The following ZNF33A variants were observed in gnomAD, a reference collection of about 807,000 sequenced individuals.
ZNF33A encodes zinc finger protein 33A, also known as brain my041 protein.
ZNF33A carries 9 observed loss-of-function variants against 15.9 expected under a neutral mutation model. The observed-to-expected ratio is 0.57, with a 90% CI of 0.34 to 0.99. ZNF33A has a LOEUF of 0.99. Among genes scored for constraint, ZNF33A ranks in the 50% least tolerant of loss-of-function variants. ZNF33A has a pLI of 0.02. For missense variants in ZNF33A, 843 were observed against 941.6 expected (o/e 0.90, Z 1.37); for synonymous variants, 294 against 324.2 (o/e 0.91, Z 1.00).
chr10:38,017,297 G>A lies in ZNF33A; in HGVS notation c.161G>A (p.Cys54Tyr). 1 of 1,613,736 alleles carries A rather than the reference G, an allele frequency of 6.2e-7. No homozygotes were observed. Among genetic ancestry groups the A allele is most frequent in the Admixed American group, 1.7e-5 (1 of 59,988 alleles). The stretch of plus-strand genomic sequence containing the variant: ...AATTATTTCCTGTTAACAGGGTATT[G>A]TGTTCACAAACCAGAGGTGATCTTC... ...NYSNLVSVGY[C>Y]VHKPEVIFRL... Residue 54 changes from cysteine to tyrosine, a missense_variant, in exon 4 of 5, where the codon TGT (cysteine) becomes TAT (tyrosine). Transcript: ENST00000432900.
At position 38,017,337 on chromosome 10, in the gene ZNF33A, A is replaced by G; in HGVS notation, c.201A>G (p.Gly67=). ...AGGTGATCTTCAGGCTGCAACAAGG[A>G]GAAGAGCCATGGAAACAGGAGGAAG... ...KPEVIFRLQQ[G]EEPWKQEEEF... The change falls in exon 4 of 5, where the codon GGA becomes GGG. Residue 67 remains glycine, a synonymous_variant. Transcript: ENST00000432900. 1 of 1,614,088 alleles carries G rather than the reference A, an allele frequency of 6.2e-7. No individual in the cohort carries two copies. Among genetic ancestry groups the G allele is most frequent in the African/African-American group, 1.3e-5 (1 of 75,036 alleles).
chr10:38,056,794 T>A lies in ZNF33A; in HGVS notation c.*234T>A. ...AGGAGAAAATTGTCAATTTAAGAAATCTAAAGTGAAAATTTTGCTTAGAAA... is the reference window on the plus strand; with the variant it reads ...AGGAGAAAATTGTCAATTTAAGAAAACTAAAGTGAAAATTTTGCTTAGAAA... On this transcript the variant is annotated 3_prime_UTR_variant, in exon 5 of 5. Coordinates refer to ENST00000432900, the MANE Select transcript of ZNF33A (RefSeq NM_006954.2). 8.4e-7 allele frequency: 1 copy of A among 1,195,442 alleles called. No homozygotes were observed. Among genetic ancestry groups the A allele is most frequent in the Non-Finnish European group, 1.0e-6 (1 of 964,620 alleles). 74.1% of individuals were successfully genotyped at this position (1,195,442 alleles called of 1,614,324 possible).
rs370172866 is a variant in ZNF33A at position 38,055,046 on chromosome 10, A to G, written c.922A>G (p.Asn308Asp). The G allele has an allele frequency of 1.9e-6, 3 of 1,614,146 alleles. No individual in the cohort carries two copies. The highest frequency in any genetic ancestry group is 2.5e-6 in the Non-Finnish European group (3 of 1,179,994). ...MKHYDCGESG[N>D]NFRRKLCLSH... is the part of the protein sequence containing the mutation. ...ACACTATGATTGTGGTGAAAGTGGG[A>G]ATAATTTCAGGAGGAAATTGTGTCT... The change falls in exon 5 of 5, where the codon AAT becomes GAT. Residue 308 changes from asparagine to aspartate, a missense_variant. By Grantham distance (23) the Asn-to-Asp change is conservative. Transcript: ENST00000432900.
intron 4 of ZNF33A, among the ~76,000 whole-genome samples, chr10:38,049,121 C>G (rs1418784765): frequency 6.6e-6 from 1 of 152,046 alleles, no homozygotes; most frequent in African/African-American, 2.4e-5. Flanking sequence ...AAATCAATAA[C>G]AGAACTATCT....
intron 4 of ZNF33A, among the ~76,000 whole-genome samples, chr10:38,049,566 A>G (rs2066103369): frequency 6.6e-6 from 1 of 152,152 alleles, no homozygotes; most frequent in East Asian, 1.9e-4. Context: ...AATTTCACAT[A>G]TAGGGAATTT....
intron 4 of ZNF33A, among the ~76,000 whole-genome samples, chr10:38,030,897 C>T (rs1371045903): frequency 3.3e-5 from 5 of 152,254 alleles, no homozygotes; most frequent in African/African-American, 1.2e-4. Context: ...CATAATACCT[C>T]ATGATTTTAT....
At position 38,055,611 on chromosome 10, in the gene ZNF33A, C is replaced by T; in HGVS notation, c.1487C>T (p.Ser496Phe). The T allele has an allele frequency of 6.2e-7, 1 of 1,614,068 alleles. No homozygotes were observed. Among genetic ancestry groups the T allele is most frequent in the Non-Finnish European group, 8.5e-7 (1 of 1,179,998 alleles). ...CAGAGAATTCACATAGGAGATAAATCTTATGAATGTAATGCATGTGGGAAA... is the reference window on the plus strand; with the variant it reads ...CAGAGAATTCACATAGGAGATAAATTTTATGAATGTAATGCATGTGGGAAA... ...QHQRIHIGDK[S>F]YECNACGKTF... Residue 496 changes from serine to phenylalanine, a missense_variant, in exon 5 of 5, where the codon TCT (serine) becomes TTT (phenylalanine). By Grantham distance (155) the Ser-to-Phe change is radical (BLOSUM62 -2). Transcript: ENST00000432900.
intron 2 of ZNF33A, 45 bp downstream of exon 2, chr10:38,012,395 G>C (rs373268271): frequency 8.2e-7 from 1 of 1,222,748 alleles, no homozygotes; most frequent in Non-Finnish European, 1.2e-6. Context: ...AGTGGACTTT[G>C]TGAGATTTGT....
intron 2 of ZNF33A, among the ~76,000 whole-genome samples, chr10:38,014,547 A>G (rs2064356873): frequency 6.6e-6 from 1 of 152,220 alleles, no homozygotes; most frequent in African/African-American, 2.4e-5. Context: ...TGTATGAGGT[A>G]GATGTCAGAT....
intron 4 of ZNF33A, among the ~76,000 whole-genome samples, chr10:38,024,659 C>T (rs1428225861): frequency 1.3e-5 from 2 of 152,158 alleles, no homozygotes; most frequent in Non-Finnish European, 1.5e-5. Context: ...TTATTGTATC[C>T]AGTGTTAAGG....
downstream of ZNF33A, among the ~76,000 whole-genome samples, chr10:38,066,152 T>C (rs1301743477): frequency 1.3e-5 from 2 of 152,338 alleles, no homozygotes; most frequent in Non-Finnish European, 2.9e-5. Flanking sequence ...ACCCTGACCA[T>C]AGGCTTTTCT....
At chr10:38,034,782 T>C (rs1198775612) in intron 4 of ZNF33A, among the ~76,000 whole-genome samples, 2 of 152,166 alleles carry the variant, frequency 1.3e-5, no homozygotes, top group East Asian at 3.9e-4. Context: ...AAATCAGCCA[T>C]CATTTCTTCA....
chr10:38,057,722 G>A lies in ZNF33A; in HGVS notation c.*1162G>A, dbSNP rs41276142. The A allele has an allele frequency of 4.7e-3, 4,622 of 985,412 alleles. 17 individuals are homozygous for A. The highest frequency in any genetic ancestry group is 6.9e-3 in the Admixed American group (112 of 16,284). The allele number at this position is 985,412 out of a possible 1,614,324, so 61.0% of individuals were successfully genotyped here. A position where few individuals can be genotyped will look rare whatever the true frequency, so the allele number is the denominator to read the frequency against. On this transcript the variant is annotated 3_prime_UTR_variant, in exon 5 of 5. Coordinates refer to ENST00000432900, the MANE Select transcript of ZNF33A (RefSeq NM_006954.2). ...TCTTCCTACCTGTGGCTCATGCCAT[G>A]CCATGAAGTGCCTAGGGTACATATG...
Position 38,054,470 on chromosome 10 carries a change from A to G in ZNF33A, c.346A>G (p.Lys116Glu), listed in dbSNP as rs151170832. The G allele has an allele frequency of 7.9e-4, 1,264 of 1,610,150 alleles. 3 individuals are homozygous for G. Among genetic ancestry groups the G allele is most frequent in the Non-Finnish European group, 9.5e-4 (1,118 of 1,179,000 alleles). The change falls in exon 5 of 5, where the codon AAG becomes GAG. Residue 116 changes from lysine (K) to glutamate (E), a missense_variant. Coordinates refer to ENST00000432900, the MANE Select transcript of ZNF33A (RefSeq NM_006954.2). ...VVFINNEMLT[K>E]EQGDVIGIPF... The stretch of plus-strand genomic sequence containing the variant: ...ATTCATCAATAATGAAATGCTGACT[A>G]AGGAACAAGGTGATGTAATAGGAAT...
chr10:38,011,644 T>G lies in ZNF33A; in HGVS notation c.-44-654T>G, dbSNP rs77545475. 6.5e-3 allele frequency among the ~76,000 whole-genome samples: 992 copies of G among 152,310 alleles called. 12 individuals are homozygous for G. The highest frequency in any genetic ancestry group is 0.054 in the South Asian group (262 of 4,828). Reference sequence around the variant, plus strand: ...GTTAGAAGAAAAAGATTTTTTTTGTTTTTTTGTTTGTTAAGGTCACTGACT... The same window carrying G: ...GTTAGAAGAAAAAGATTTTTTTTGTGTTTTTGTTTGTTAAGGTCACTGACT... On this transcript the variant is annotated intron_variant, in intron 1 of 4. Coordinates refer to ENST00000432900, the MANE Select transcript of ZNF33A (RefSeq NM_006954.2).
At chr10:38,051,888 C>T (rs2066225572) in intron 4 of ZNF33A, among the ~76,000 whole-genome samples, 1 of 151,968 alleles carries the variant, frequency 6.6e-6, no homozygotes, top group South Asian at 2.1e-4. Flanking sequence ...TCCATATGAC[C>T]ATTTCAATAT....
At chr10:38,017,550 T>G in intron 4 of ZNF33A, 164 bp downstream of exon 4, 1 of 505,430 alleles carries the variant, frequency 2.0e-6, no homozygotes, top group Non-Finnish European at 3.5e-6. Flanking sequence ...AACTTCCAGA[T>G]ACTACTCACA....
rs2066444114 is a variant in ZNF33A, at chr10:38,055,731, T to C, written c.1607T>C (p.Leu536Ser). 1 of 1,608,706 alleles carries C rather than the reference T, an allele frequency of 6.2e-7. No individual in the cohort carries two copies. The highest frequency in any genetic ancestry group is 1.4e-5 in the African/African-American group (1 of 73,248). The stretch of plus-strand genomic sequence containing the variant: ...TATGAATGTGGGAAAACCTTCTGCT[T>C]GAAGTCAGACCTCACAGTACATCAG... ...ECYECGKTFC[L>S]KSDLTVHQRT... Residue 536 changes from leucine to serine, a missense_variant, in exon 5 of 5, where the codon TTG becomes TCG. Physicochemically the swap from Leu to Ser is moderately radical, Grantham distance 145. Transcript: ENST00000432900.
At chr10:38,062,039 G>A (rs144660308), downstream of ZNF33A, among the ~76,000 whole-genome samples, 599 of 152,270 alleles carry the variant, frequency 3.9e-3, 6 homozygotes, top group African/African-American at 0.014. Flanking sequence ...TTGGGAGGTG[G>A]TAAGGTCATG....
Sources: allele counts gnomAD v4.1 joint callset (sites outside exome capture counted in the v4.1 genomes callset), GRCh38; gene constraint gnomAD v4.1.1; transcripts MANE v1.5; gene names NCBI Gene and HGNC (gene_info 2026-07-23, HGNC 2026-07-21).